Variants in CASD1 observed in about 807,000 individuals in gnomAD.
The protein encoded by CASD1 is CAS1 domain sialic acid O acetyltransferase 1.
CASD1 carries 41 observed loss-of-function variants against 100.0 expected under a neutral mutation model. That is an observed-to-expected ratio of 0.41 (90% CI 0.32 to 0.53). CASD1 has a LOEUF of 0.53. Ranked by LOEUF, CASD1 falls within the 20% of genes least tolerant of loss-of-function variation. The pLI, the probability that CASD1 is intolerant of heterozygous loss-of-function variation, is 0.25. For missense variants in CASD1, 774 were observed against 948.7 expected (o/e 0.82, Z 2.42); for synonymous variants, 321 against 315.6 (o/e 1.02, Z -0.18).
chr7:94,551,536 T>C, intron 15 of CASD1, 58 bp downstream of exon 15: 7 of 694,422 alleles, frequency 1.0e-5, no homozygotes, highest in Non-Finnish European at 1.5e-5. Flanking sequence ...CATTAAGATA[T>C]GGAAATATAA....
the CASD1 span, chr7:94,617,783 C>G: frequency 8.7e-5 from 6 of 68,872 alleles, no homozygotes; most frequent in East Asian, 2.3e-3. Context: ...TTTTCCCCAT[C>G]TGCCTTTTAC....
At chr7:94,628,660 T>C in the CASD1 span, 1 of 350,158 alleles carries the variant, frequency 2.9e-6, no homozygotes, top group African/African-American at 2.1e-5. Context: ...CAACTATCTT[T>C]CAGGAGAATT....
At chr7:94,533,491 A>G (rs2116314275) in intron 6 of CASD1, among the ~76,000 whole-genome samples, 188 bp from the exon 7 acceptor site, 1 of 152,298 alleles carries the variant, frequency 6.6e-6, no homozygotes, top group East Asian at 1.9e-4. Context: ...CATTGAAAGT[A>G]TAGTTTTATA....
intron 5 of CASD1, among the ~76,000 whole-genome samples, chr7:94,532,790 C>T (rs1048890859): frequency 6.6e-6 from 1 of 152,090 alleles, no homozygotes; most frequent in East Asian, 1.9e-4. Flanking sequence ...ATTGTTTTGG[C>T]ACTGACCTTG....
chr7:94,588,964 TA>T, the CASD1 span: 1 of 538,122 alleles, frequency 1.9e-6, no homozygotes, highest in Non-Finnish European at 3.3e-6. Flanking sequence ...GGCTATACTC[TA>T]AAGTACCTCA....
In CASD1 at chr7:94,544,527, T is replaced by C; in HGVS notation, c.1473T>C (p.Cys491=). ...GAGATTTTGGAATCTATAGAGTATG[T>C]CAGGTAGGAATGCACTGTTATTTCC... The part of the protein sequence containing the change: ...IKGDFGIYRV[C]QVLFRLNFLV... The change falls in exon 11 of 18, where the codon TGT becomes TGC. Residue 491 remains cysteine (C), a synonymous_variant. Transcript: ENST00000297273. 6.2e-7 allele frequency: 1 copy of C among 1,611,966 alleles called. No homozygotes were observed. Among genetic ancestry groups the C allele is most frequent in the Non-Finnish European group, 8.5e-7 (1 of 1,179,074 alleles).
the CASD1 span, among the ~76,000 whole-genome samples, chr7:94,584,555 G>T: frequency 6.6e-6 from 1 of 152,150 alleles, no homozygotes; most frequent in East Asian, 1.9e-4. Context: ...CATTAACAGG[G>T]AATCTTTCTG....
At chr7:94,517,482 A>AC (rs1794036822) in intron 1 of CASD1, 78 bp from the exon 2 acceptor site, 1 of 822,054 alleles carries the variant, frequency 1.2e-6, no homozygotes, top group Admixed American at 2.5e-5. Flanking sequence ...TATTTCAAGG[A>AC]ACTTATATAG....
At chr7:94,575,872 C>T in the CASD1 span, among the ~76,000 whole-genome samples, 40 of 152,236 alleles carry the variant, frequency 2.6e-4, no homozygotes, top group South Asian at 6.9e-3. Context: ...AGCCCTTGCA[C>T]GTATTGAATT....
the CASD1 span, among the ~76,000 whole-genome samples, chr7:94,576,289 G>A: frequency 6.6e-6 from 1 of 152,096 alleles, no homozygotes. Flanking sequence ...CAGGAGGATT[G>A]GGTTGCTCAA....
At chr7:94,591,982 A>G in the CASD1 span, among the ~76,000 whole-genome samples, 1 of 152,198 alleles carries the variant, frequency 6.6e-6, no homozygotes, top group Non-Finnish European at 1.5e-5. Context: ...TAGATGAGTT[A>G]TATTAAAAAT....
chr7:94,517,077 T>A (rs1438703930), intron 1 of CASD1, among the ~76,000 whole-genome samples: 1 of 152,010 alleles, frequency 6.6e-6, no homozygotes, highest in Non-Finnish European at 1.5e-5. Context: ...CCAATTTTTG[T>A]ATTTTTAGTA....
chr7:94,555,791 A>G lies in CASD1; in HGVS notation c.*33A>G, dbSNP rs1246263230. The G allele has an allele frequency of 6.3e-7, 1 of 1,586,684 alleles. No individual in the cohort carries two copies. The highest frequency in any genetic ancestry group is 8.6e-7 in the Non-Finnish European group (1 of 1,167,222). On this transcript the variant is annotated 3_prime_UTR_variant, in exon 18 of 18. Coordinates refer to ENST00000297273, the MANE Select transcript of CASD1 (RefSeq NM_022900.5). ...AAATTCTAAAAAACCTAAACTCTTC[A>G]GGCTACCTTTGTGTGTCTCTAGAAG...
At chr7:94,565,089 C>T in the CASD1 span, among the ~76,000 whole-genome samples, 4 of 152,028 alleles carry the variant, frequency 2.6e-5, no homozygotes, top group Non-Finnish European at 5.9e-5. Flanking sequence ...CCCCTAGAGA[C>T]ACCATATTCT....
downstream of CASD1, among the ~76,000 whole-genome samples, chr7:94,559,925 A>G (rs1355117060): frequency 6.6e-6 from 1 of 152,194 alleles, no homozygotes; most frequent in Non-Finnish European, 1.5e-5. Flanking sequence ...AATATCTTCA[A>G]TATTATACAT....
the CASD1 span, chr7:94,599,803 G>T: frequency 9.8e-7 from 1 of 1,018,938 alleles, no homozygotes; most frequent in Non-Finnish European, 1.5e-6. Context: ...ATGGGATCTT[G>T]CATGATGTGG....
intron 7 of CASD1, 64 bp from the exon 8 acceptor site, chr7:94,535,245 T>G: frequency 2.5e-6 from 3 of 1,221,330 alleles, no homozygotes; most frequent in Non-Finnish European, 3.6e-6. Context: ...CTAACTTGCA[T>G]GATCACAATT....
At chr7:94,604,317 GA>G in the CASD1 span, among the ~76,000 whole-genome samples, 1 of 151,936 alleles carries the variant, frequency 6.6e-6, no homozygotes, top group Admixed American at 6.6e-5. Flanking sequence ...AATGTAAAAT[GA>G]AGTAAAACCA....
the CASD1 span, chr7:94,626,132 C>A: frequency 2.0e-5 from 3 of 152,004 alleles, no homozygotes; most frequent in African/African-American, 7.2e-5. Context: ...AGTGAAATAT[C>A]TGTTTCTTAT....
Sources: allele counts gnomAD v4.1 joint callset (sites outside exome capture counted in the v4.1 genomes callset), GRCh38; gene constraint gnomAD v4.1.1; transcripts MANE v1.5; gene names NCBI Gene and HGNC (gene_info 2026-07-23, HGNC 2026-07-21).